The following STK35 variants were observed in gnomAD, a reference collection of about 807,000 sequenced individuals.
The protein encoded by STK35 is serine/threonine-protein kinase 35.
A neutral mutation model predicts 37.3 loss-of-function variants in STK35; 17 were observed. The observed-to-expected ratio is 0.46, with a 90% CI of 0.31 to 0.68. The LOEUF is 0.68. Among genes scored for constraint, STK35 ranks in the 30% least tolerant of loss-of-function variants. The pLI, the probability that STK35 is intolerant of heterozygous loss-of-function variation, is 0.05. For missense variants in STK35, 595 were observed against 746.7 expected (o/e 0.80, Z 2.37); for synonymous variants, 385 against 319.1 (o/e 1.21, Z -2.20).
At chr20:2,128,350 C>T (rs1265849050) in intron 3 of STK35, among the ~76,000 whole-genome samples, 1 of 152,178 alleles carries the variant, frequency 6.6e-6, no homozygotes, top group Non-Finnish European at 1.5e-5. Flanking sequence ...AAGGTCCTGG[C>T]TTCTATAATT....
At position 2,109,384 on chromosome 20, in the gene STK35, A is replaced by G. The variant is rs150082229; in HGVS notation, c.892+6019A>G. ...ACTCTCTGCCTGGCTGGTGGATTCT[A>G]CATTTTAACAAACCCCTGTAATGTT... is the stretch of plus-strand genomic sequence containing the variant. On this transcript the variant is annotated intron_variant, in intron 2 of 3. Coordinates refer to ENST00000381482, the MANE Select transcript of STK35 (RefSeq NM_080836.4). Among the ~76,000 whole-genome samples, 730 of 152,368 alleles carry G rather than the reference A, an allele frequency of 4.8e-3. 2 individuals are homozygous for G. Among genetic ancestry groups the G allele is most frequent in the African/African-American group, 0.017 (694 of 41,590 alleles).
chr20:2,101,892 A>G lies in STK35; in HGVS notation c.11A>G (p.Gln4Arg). The G allele has an allele frequency of 1.4e-6, 2 of 1,442,592 alleles. No homozygotes were observed. The highest frequency in any genetic ancestry group is 1.8e-6 in the Non-Finnish European group (2 of 1,093,628). The allele number at this position is 1,442,592 out of a possible 1,614,324, so 89.4% of individuals were successfully genotyped here. A position where few individuals can be genotyped will look rare whatever the true frequency, so the allele number is the denominator to read the frequency against. Residue 4 changes from glutamine to arginine, a missense_variant, in exon 1 of 4, where the codon CAG (glutamine) becomes CGG (arginine). Transcript: ENST00000381482. ...CTGGCGTCCCGGGGGATGGGCCACC[A>G]GGAGTCTCCGCTGGCCCGGGCGCCG... MGH[Q>R]ESPLARAPAG...
At chr20:2,135,848 C>G (rs1205308245) in intron 3 of STK35, among the ~76,000 whole-genome samples, 1 of 152,160 alleles carries the variant, frequency 6.6e-6, no homozygotes, top group Non-Finnish European at 1.5e-5. Flanking sequence ...ACTAATAAGA[C>G]TAATTAGCTG....
At chr20:2,109,820 A>G (rs1192924536) in intron 2 of STK35, among the ~76,000 whole-genome samples, 1 of 152,224 alleles carries the variant, frequency 6.6e-6, no homozygotes, top group East Asian at 1.9e-4. Context: ...TTAGTGTTCT[A>G]AGAAATTTGC....
intron 3 of STK35, among the ~76,000 whole-genome samples, chr20:2,120,543 A>G (rs956290254): frequency 6.6e-6 from 1 of 152,182 alleles, no homozygotes; most frequent in African/African-American, 2.4e-5. Flanking sequence ...GTTGCCAGAA[A>G]CTTCAAATCA....
At chr20:2,112,103 G>C (rs1985630620) in intron 2 of STK35, among the ~76,000 whole-genome samples, 1 of 152,240 alleles carries the variant, frequency 6.6e-6, no homozygotes, top group Non-Finnish European at 1.5e-5. Flanking sequence ...AATTGTTGAA[G>C]TGGCGTTGAC....
chr20:2,121,374 G>A lies in STK35; in HGVS notation c.*37+3959G>A, dbSNP rs185036537. Among the ~76,000 whole-genome samples, 126 of 152,238 alleles carry A rather than the reference G, an allele frequency of 8.3e-4. No individual in the cohort carries two copies. The Middle Eastern group carries it at 0.01, about 12-fold the overall frequency. On this transcript the variant is annotated intron_variant, in intron 3 of 3. Transcript: ENST00000381482. The stretch of plus-strand genomic sequence containing the variant: ...GTCAGAGCCAGCAGGATTTCCGGCC[G>A]GATCATATGGGAGGTGTGAGAGAAA...
chr20:2,104,057 C>T (rs1300779365), intron 2 of STK35, among the ~76,000 whole-genome samples: 2 of 152,190 alleles, frequency 1.3e-5, no homozygotes, highest in Non-Finnish European at 2.9e-5. Flanking sequence ...TTTTCTTAAC[C>T]TCAGAGGCTG....
chr20:2,112,815 T>A (rs1477767986), intron 2 of STK35, among the ~76,000 whole-genome samples: 1 of 152,238 alleles, frequency 6.6e-6, no homozygotes, highest in Non-Finnish European at 1.5e-5. Flanking sequence ...AATTTGTAAC[T>A]CTTATTAATC....
At chr20:2,106,329 C>G (rs6112872) in intron 2 of STK35, among the ~76,000 whole-genome samples, 1 of 152,174 alleles carries the variant, frequency 6.6e-6, no homozygotes, top group Non-Finnish European at 1.5e-5. Context: ...GCCCTGCCTC[C>G]TAAAACTCAG....
intron 2 of STK35, among the ~76,000 whole-genome samples, chr20:2,103,832 A>C (rs1046080843): frequency 6.6e-6 from 1 of 151,954 alleles, no homozygotes; most frequent in Non-Finnish European, 1.5e-5. Flanking sequence ...AAGTTTCCTG[A>C]CACCCTCCAG....
chr20:2,139,266 T>C (rs1374400158), intron 3 of STK35, among the ~76,000 whole-genome samples: 3 of 152,190 alleles, frequency 2.0e-5, no homozygotes, highest in Non-Finnish European at 4.4e-5. Flanking sequence ...GTTCAGTTTC[T>C]CAGTCTTCTT....
intron 3 of STK35, among the ~76,000 whole-genome samples, chr20:2,139,456 T>C (rs1001081375): frequency 2.6e-5 from 4 of 152,224 alleles, no homozygotes; most frequent in Non-Finnish European, 4.4e-5. Flanking sequence ...AGATGGGTTT[T>C]AAACTCCACT....
intron 3 of STK35, 97 bp from the exon 4 acceptor site, chr20:2,143,687 C>T: frequency 3.3e-6 from 1 of 306,226 alleles, no homozygotes. Flanking sequence ...TGCCCCACAG[C>T]CCCCAGCACA....
At chr20:2,109,185 C>G (rs190415824) in intron 2 of STK35, among the ~76,000 whole-genome samples, 2 of 152,238 alleles carry the variant, frequency 1.3e-5, no homozygotes, top group Non-Finnish European at 2.9e-5. Flanking sequence ...AAGAGGTGCT[C>G]TGGGTGAATC....
rs1455256813 is a variant in STK35, at chr20:2,117,810, C to G, written c.*37+395C>G. Among the ~76,000 whole-genome samples the G allele has an allele frequency of 6.6e-6, 1 of 152,172 alleles. No individual in the cohort carries two copies. Among genetic ancestry groups the G allele is most frequent in the African/African-American group, 2.4e-5 (1 of 41,418 alleles). Reference sequence around the variant, plus strand: ...TTCATTCTGGACCCTGGCATGGGCCCTGTGAACTTGCAGGGGAATACAAAG... The same window carrying G: ...TTCATTCTGGACCCTGGCATGGGCCGTGTGAACTTGCAGGGGAATACAAAG... On this transcript the variant is annotated intron_variant, in intron 3 of 3. Coordinates refer to ENST00000381482, the MANE Select transcript of STK35 (RefSeq NM_080836.4). This position sits in a 1 kb window ranked among gnomAD's most constrained non-coding sequence, Gnocchi z 4.4.
intron 3 of STK35, among the ~76,000 whole-genome samples, chr20:2,122,726 TGTAATACA>T (rs1318928089): frequency 6.6e-6 from 1 of 152,204 alleles, no homozygotes; most frequent in African/African-American, 2.4e-5. Context: ...CTGAATTAAT[TGTAATACA>T]GTAGCATTGT....
intron 3 of STK35, among the ~76,000 whole-genome samples, chr20:2,130,208 C>T (rs776028626): frequency 1.3e-5 from 2 of 152,036 alleles, no homozygotes; most frequent in African/African-American, 2.4e-5. Context: ...CTCTCTCCTG[C>T]GTGGGTGTTT....
intron 2 of STK35, among the ~76,000 whole-genome samples, chr20:2,113,687 G>T (rs1292583592): frequency 2.0e-5 from 3 of 152,202 alleles, no homozygotes; most frequent in Non-Finnish European, 1.5e-5. Flanking sequence ...ATTGAAATCG[G>T]TGACTTCCAA....
Sources: gnomAD v4.1 joint callset for allele counts (sites outside exome capture counted in the v4.1 genomes callset) on GRCh38, gnomAD v4.1.1 for gene constraint, Gnocchi (gnomAD v3.1) non-coding constraint, MANE v1.5 for transcripts, NCBI Gene and HGNC (gene_info 2026-07-23, HGNC 2026-07-21) for gene names.